Variants in PLXNA4 observed in about 807,000 individuals in gnomAD.
PLXNA4 encodes the protein plexin-A4.
PLXNA4 carries 44 observed loss-of-function variants against 191.8 expected under a neutral mutation model. The observed-to-expected ratio is 0.23, with a 90% CI of 0.18 to 0.29. PLXNA4 has a LOEUF of 0.29. Ranked by LOEUF, PLXNA4 falls within the 10% of genes least tolerant of loss-of-function variation. PLXNA4 has a pLI of 1.00. For synonymous variants in PLXNA4, 1,082 were observed against 1,009.5 expected, an observed-to-expected ratio of 1.07 and a Z score of -1.36; for missense variants, 1,800 against 2,488.8, an observed-to-expected ratio of 0.72 and a Z score of 5.89.
Position 132,464,797 on chromosome 7 carries a change from G to A in PLXNA4, c.1371+24495C>T, listed in dbSNP as rs146254646. Among the ~76,000 whole-genome samples the A allele has an allele frequency of 4.3e-3, 649 of 152,294 alleles. 9 individuals are homozygous for A. Among genetic ancestry groups the A allele is most frequent in the African/African-American group, 0.014 (585 of 41,576 alleles). ...GCCAGTGGTGTAGGCATTCTATGGC[G>A]CAAGCTCAGCGGACCTACCCTTCAA... On this transcript the variant is annotated intron_variant, in intron 3 of 31. Coordinates refer to ENST00000321063, the MANE Select transcript of PLXNA4 (RefSeq NM_020911.2).
At chr7:132,304,994 T>C (rs925047755) in intron 3 of PLXNA4, among the ~76,000 whole-genome samples, 5 of 152,286 alleles carry the variant, frequency 3.3e-5, no homozygotes, top group Middle Eastern at 3.4e-3. Flanking sequence ...ACCCATGCCT[T>C]CTCTTCCCAC....
In PLXNA4 at chr7:132,507,934, C is replaced by T; in HGVS notation, c.760G>A (p.Val254Ile). 1 of 1,614,138 alleles carries T rather than the reference C, an allele frequency of 6.2e-7. No individual in the cohort carries two copies. The highest frequency in any genetic ancestry group is 8.5e-7 in the Non-Finnish European group (1 of 1,180,024). ...YVYGFSSGNFVYFLTLQPEMV... is the reference protein window; with the variant it reads ...YVYGFSSGNFIYFLTLQPEMV... ...TCAGGTTGGAGGGTCAAAAAGTAGA[C>T]AAAGTTGCCACTGCTAAAACCATAG... is the stretch of plus-strand genomic sequence containing the variant. Residue 254 changes from valine (V) to isoleucine (I), a missense_variant, in exon 2 of 32, where the codon GTC (valine) becomes ATC (isoleucine). By Grantham distance (29) the Val-to-Ile change is conservative. Coordinates refer to ENST00000321063, the MANE Select transcript of PLXNA4 (RefSeq NM_020911.2).
At chr7:132,157,245 G>A (rs1406303221) in intron 25 of PLXNA4, among the ~76,000 whole-genome samples, 1 of 152,202 alleles carries the variant, frequency 6.6e-6, no homozygotes, top group African/African-American at 2.4e-5. Flanking sequence ...TCTGGCTGGG[G>A]AGACCAGCCA....
chr7:132,561,496 C>T (rs1801060377), intron 1 of PLXNA4, among the ~76,000 whole-genome samples: 1 of 120,962 alleles, frequency 8.3e-6, no homozygotes, highest in African/African-American at 3.2e-5. Context: ...CTCCTTTCTC[C>T]TCCCCCACCT....
intron 3 of PLXNA4, among the ~76,000 whole-genome samples, chr7:132,301,793 C>A (rs902705371): frequency 1.3e-5 from 2 of 152,194 alleles, no homozygotes; most frequent in Admixed American, 6.5e-5. Context: ...AATAATGATC[C>A]CTTATATTTT....
intron 3 of PLXNA4, among the ~76,000 whole-genome samples, chr7:132,375,031 C>T (rs1164010727): frequency 6.6e-6 from 1 of 152,240 alleles, no homozygotes; most frequent in Non-Finnish European, 1.5e-5. Flanking sequence ...CCGCCCTCTG[C>T]ATTCTCATCC....
At chr7:132,442,140 T>C (rs749399188) in intron 3 of PLXNA4, among the ~76,000 whole-genome samples, 6 of 152,030 alleles carry the variant, frequency 3.9e-5, no homozygotes, top group Non-Finnish European at 8.8e-5. Flanking sequence ...ACCCAGGCAC[T>C]CCAGAGACAA....
chr7:132,166,820 G>A (rs1796137476), intron 22 of PLXNA4, among the ~76,000 whole-genome samples: 1 of 152,050 alleles, frequency 6.6e-6, no homozygotes, highest in East Asian at 1.9e-4. Flanking sequence ...GTGGCTGCGT[G>A]GTGAAAGTAA....
Position 132,160,389 on chromosome 7 carries a change from T to C in PLXNA4, c.4501-757A>G, listed in dbSNP as rs139947290. ...CTCCTTTTGGAACTAGTAGGAAAAG[T>C]TGAAACTGCTTCACCAAATTATCTT... On this transcript the variant is annotated intron_variant, in intron 24 of 31. Transcript: ENST00000321063. 5.4e-3 allele frequency among the ~76,000 whole-genome samples: 826 copies of C among 152,332 alleles called. 13 individuals carry two copies. The highest frequency in any genetic ancestry group is 0.026 in the South Asian group (126 of 4,822).
intron 3 of PLXNA4, among the ~76,000 whole-genome samples, chr7:132,359,179 T>A (rs1319520459): frequency 1.4e-5 from 2 of 147,786 alleles, no homozygotes; most frequent in African/African-American, 5.0e-5. Context: ...TTCAGCCCCC[T>A]CCTATTTCAG....
intron 30 of PLXNA4, among the ~76,000 whole-genome samples, chr7:132,139,525 G>T (rs6949330): frequency 0.043 from 6,501 of 152,222 alleles, 251 homozygotes; most frequent in African/African-American, 0.1. Context: ...GTAGAGTTGC[G>T]CAGGTTATTC....
chr7:132,474,251 CACACACAT>C (rs1470995734), intron 3 of PLXNA4, among the ~76,000 whole-genome samples: 3 of 150,280 alleles, frequency 2.0e-5, no homozygotes, highest in African/African-American at 7.4e-5. Flanking sequence ...CACACACACA[CACACACAT>C]GCACACACCA....
chr7:132,523,933 AG>A (rs1799293945), intron 1 of PLXNA4, among the ~76,000 whole-genome samples: 1 of 152,220 alleles, frequency 6.6e-6, no homozygotes. Context: ...GAGGTTGTCT[AG>A]AGGGCCCACC....
Position 132,159,625 on chromosome 7 carries a change from C to T in PLXNA4, c.4508G>A (p.Ser1503Asn), listed in dbSNP as rs763427156. 2 of 1,613,980 alleles carry T rather than the reference C, an allele frequency of 1.2e-6. No individual in the cohort carries two copies. The highest frequency in any genetic ancestry group is 1.1e-5 in the South Asian group (1 of 91,034). The change falls in exon 25 of 32, where the codon AGC (serine) becomes AAC (asparagine). Residue 1503 changes from serine (S) to asparagine (N), a missense_variant. Physicochemically the swap from Ser to Asn is conservative, Grantham distance 46. Coordinates refer to ENST00000321063, the MANE Select transcript of PLXNA4 (RefSeq NM_020911.2). Reference sequence around the variant, plus strand: ...GTTGGCATTGTCTGGGCTGACACAGCTCAGGACCTGAAGGAAAGGTGGGGA... The same window carrying T: ...GTTGGCATTGTCTGGGCTGACACAGTTCAGGACCTGAAGGAAAGGTGGGGA... ...QQIDYKTLVL[S>N]CVSPDNANSP...
At chr7:132,132,179 T>C (rs1794947327) in intron 31 of PLXNA4, among the ~76,000 whole-genome samples, 1 of 152,200 alleles carries the variant, frequency 6.6e-6, no homozygotes, top group South Asian at 2.1e-4. Context: ...CCCCTGCACA[T>C]GCCTGTGTCT....
At chr7:132,614,063 T>C (rs1803104644) in intron 2 of PLXNA4, among the ~76,000 whole-genome samples, 1 of 152,190 alleles carries the variant, frequency 6.6e-6, no homozygotes, top group Non-Finnish European at 1.5e-5. Flanking sequence ...AGAATGTGCT[T>C]TCACCCAGTG....
chr7:132,331,637 T>G (rs1488790811), intron 3 of PLXNA4, among the ~76,000 whole-genome samples: 1 of 152,200 alleles, frequency 6.6e-6, no homozygotes, highest in Non-Finnish European at 1.5e-5. Context: ...AATAATAACC[T>G]CAAAGTGCAC....
chr7:132,227,451 C>A lies in PLXNA4; in HGVS notation c.1882G>T (p.Gly628Trp). 1 of 1,614,152 alleles carries A rather than the reference C, an allele frequency of 6.2e-7. No individual in the cohort carries two copies. Among genetic ancestry groups the A allele is most frequent in the Non-Finnish European group, 8.5e-7 (1 of 1,180,026 alleles). The change falls in exon 7 of 32, where the codon GGG becomes TGG. Residue 628 changes from glycine to tryptophan, a missense_variant and splice_region_variant. Physicochemically the swap from Gly to Trp is radical, Grantham distance 184 (BLOSUM62 -2). This residue lies in a region of PLXNA4 where 1,397 missense variants were observed against 1,880.4 expected (regional missense o/e 0.74). Coordinates refer to ENST00000321063, the MANE Select transcript of PLXNA4 (RefSeq NM_020911.2). ...KEVPRIITEN[G>W]DHHVVQLQLK... ...TCAGCTGTGCCTCCGGGATGCTCAC[C>A]ATTCTCTGTGATGATCCGGGGCACC... is the stretch of plus-strand genomic sequence containing the variant.
chr7:132,304,440 CATA>C (rs1198202945), intron 3 of PLXNA4, among the ~76,000 whole-genome samples: 2 of 152,176 alleles, frequency 1.3e-5, no homozygotes, highest in African/African-American at 2.4e-5. Context: ...AATTAATTTT[CATA>C]ATATGTTTAA....
Sources: allele counts gnomAD v4.1 joint callset (sites outside exome capture counted in the v4.1 genomes callset), GRCh38; gene constraint gnomAD v4.1.1; regional missense constraint gnomAD v4.1.1; transcripts MANE v1.5; gene names NCBI Gene and HGNC (gene_info 2026-07-23, HGNC 2026-07-21).